Variants in CCDC180 observed in about 807,000 individuals in gnomAD.
CCDC180 encodes coiled-coil domain containing 180.
CCDC180 carries 154 observed loss-of-function variants against 209.2 expected under a neutral mutation model. The observed-to-expected ratio is 0.74, with a 90% CI of 0.65 to 0.84. The LOEUF (loss-of-function observed/expected upper bound fraction) is 0.84, where lower values mean the gene tolerates loss of function less well. CCDC180 is among the 40% of genes least tolerant of loss of function. The pLI, the probability that CCDC180 is intolerant of heterozygous loss-of-function variation, is 0.00. For missense variants in CCDC180, 1,874 were observed against 1,997.3 expected, an observed-to-expected ratio of 0.94 and a Z score of 1.18; for synonymous variants, 778 against 749.1, an observed-to-expected ratio of 1.04 and a Z score of -0.63.
chr9:97,355,071 C>A (rs1564169932), intron 24 of CCDC180, 63 bp downstream of exon 24: 1 of 1,097,878 alleles, frequency 9.1e-7, no homozygotes, highest in African/African-American at 1.5e-5. Context: ...CAGGCACTGT[C>A]CCCGGTGCTA....
rs12686009 is a variant in CCDC180, at chr9:97,360,838, T to C, written c.3483+737T>C. ...GCAGAGCCTGCATCACCCCCACCCC[T>C]GCCCACACCTCACATTGGGCTGAGA... On this transcript the variant is annotated intron_variant, in intron 26 of 36. Transcript: ENST00000529487. Among the ~76,000 whole-genome samples, 19 of 152,270 alleles carry C rather than the reference T, an allele frequency of 1.2e-4. No individual in the cohort carries two copies. In the East Asian group the frequency reaches 3.5e-3, roughly 28 times the overall value.
chr9:97,349,497 C>T (rs1463890195), intron 21 of CCDC180, among the ~76,000 whole-genome samples: 3 of 152,190 alleles, frequency 2.0e-5, no homozygotes, highest in African/African-American at 4.8e-5. Flanking sequence ...AGCCAGAGAG[C>T]AAAGTATATG....
At chr9:97,351,738 C>T (rs1826426584) in intron 22 of CCDC180, among the ~76,000 whole-genome samples, 1 of 152,134 alleles carries the variant, frequency 6.6e-6, no homozygotes, top group African/African-American at 2.4e-5. Context: ...CCACAGCCCC[C>T]CACTACCAGC....
chr9:97,312,309 C>G, intron 4 of CCDC180, 108 bp downstream of exon 4: 2 of 883,956 alleles, frequency 2.3e-6, no homozygotes, highest in Non-Finnish European at 3.6e-6. Flanking sequence ...CCCTGAGCTC[C>G]CACTGTGTTC....
intron 33 of CCDC180, 64 bp from the exon 34 acceptor site, chr9:97,371,531 C>T (rs754762506): frequency 3.5e-4 from 363 of 1,047,844 alleles, no homozygotes; most frequent in Non-Finnish European, 4.5e-4. Context: ...CCCATCCCCT[C>T]TTCAGCTGGC....
chr9:97,333,375 G>C (rs945205122), intron 18 of CCDC180, among the ~76,000 whole-genome samples: 1 of 152,142 alleles, frequency 6.6e-6, no homozygotes, highest in African/African-American at 2.4e-5. Context: ...CGTGATTCCG[G>C]CTTCATAGAA....
At chr9:97,359,464 G>A (rs975513592) in intron 25 of CCDC180, among the ~76,000 whole-genome samples, 2 of 152,182 alleles carry the variant, frequency 1.3e-5, no homozygotes, top group African/African-American at 2.4e-5. Context: ...TGAATGTGTG[G>A]CGAGAGGGAA....
At chr9:97,334,439 A>C (rs1235987967) in intron 18 of CCDC180, among the ~76,000 whole-genome samples, 1 of 152,172 alleles carries the variant, frequency 6.6e-6, no homozygotes, top group African/African-American at 2.4e-5. Context: ...ATCAAAGCTA[A>C]ACAACTTTTC....
At chr9:97,351,677 C>CAA (rs58347894) in intron 22 of CCDC180, among the ~76,000 whole-genome samples, 32,476 of 151,938 alleles carry the variant, frequency 0.21, 3,700 homozygotes, top group East Asian at 0.39. Flanking sequence ...TATACATGAG[C>CAA]AAAAAATTGT....
intron 9 of CCDC180, among the ~76,000 whole-genome samples, chr9:97,317,440 T>C (rs1833214730): frequency 1.3e-5 from 2 of 152,248 alleles, no homozygotes; most frequent in African/African-American, 4.8e-5. Flanking sequence ...AATATTTTGG[T>C]ATATTTTCTC....
intron 29 of CCDC180, chr9:97,365,064 C>T (rs1826880377): frequency 1.3e-5 from 2 of 152,292 alleles, no homozygotes; most frequent in South Asian, 4.2e-4. Flanking sequence ...AGGGATCCAC[C>T]GAGGGAACAC....
rs538090053 is a variant in CCDC180, at chr9:97,350,405, A to G, written c.2856-4A>G. The G allele has an allele frequency of 3.3e-6, 5 of 1,534,264 alleles. 1 individual carries two copies. In the South Asian group the frequency reaches 3.6e-5, roughly 11 times the overall value. On this transcript the variant is annotated splice_polypyrimidine_tract_variant and splice_region_variant and intron_variant, in intron 21 of 36. Coordinates refer to ENST00000529487, the MANE Select transcript of CCDC180 (RefSeq NM_020893.6). Reference sequence around the variant, plus strand: ...CTGTCCTGTTCCTCCTCTGTCTCCCACAGGCTGGTCACTCTCAGCAACACA... The same window carrying G: ...CTGTCCTGTTCCTCCTCTGTCTCCCGCAGGCTGGTCACTCTCAGCAACACA...
chr9:97,348,145 A>T (rs1344130875), intron 20 of CCDC180, among the ~76,000 whole-genome samples: 1 of 151,214 alleles, frequency 6.6e-6, no homozygotes, highest in Non-Finnish European at 1.5e-5. Context: ...TTTCAGTAGG[A>T]TCCTTCAATG....
In CCDC180 at chr9:97,348,983, C is replaced by T. The variant is rs1587819023; in HGVS notation, c.2675-128C>T. 7 of 857,328 alleles carry T rather than the reference C, an allele frequency of 8.2e-6. No individual in the cohort carries two copies. In the East Asian group the frequency reaches 1.9e-4, roughly 23 times the overall value. 53.1% of individuals were successfully genotyped at this position (857,328 alleles called of 1,614,324 possible). A position where few individuals can be genotyped will look rare whatever the true frequency, so the allele number is the denominator to read the frequency against. On this transcript the variant is annotated intron_variant, in intron 20 of 36. Coordinates refer to ENST00000529487, the MANE Select transcript of CCDC180 (RefSeq NM_020893.6). ...AAGGCAACAGGGGCAGGACAAGGGG[C>T]CTTGACCTGAATTGTTCCTGTTCTG... is the stretch of plus-strand genomic sequence containing the variant.
chr9:97,357,714 G>A lies in CCDC180; in HGVS notation c.3352G>A (p.Gly1118Arg), dbSNP rs1298257512. 10 of 1,608,330 alleles carry A rather than the reference G, an allele frequency of 6.2e-6. No homozygotes were observed. In the Admixed American group the frequency reaches 8.4e-5, roughly 14 times the overall value. The change falls in exon 25 of 37, where the codon GGA becomes AGA. Residue 1118 changes from glycine (G) to arginine (R), a missense_variant. Coordinates refer to ENST00000529487, the MANE Select transcript of CCDC180 (RefSeq NM_020893.6). ...NKIKTCQESR[G>R]EKTTVTTEEL... ...GATAAAAACTTGTCAAGAGTCCAGG[G>A]GAGAGAAAACCGTAAGTGTTCAATA...
rs1402385368 is a variant in CCDC180 at position 97,366,083 on chromosome 9, C to T, written c.4047+344C>T. 6.6e-6 allele frequency among the ~76,000 whole-genome samples: 1 copy of T among 152,198 alleles called. No individual in the cohort carries two copies. Among genetic ancestry groups the T allele is most frequent in the African/African-American group, 2.4e-5 (1 of 41,468 alleles). On this transcript the variant is annotated intron_variant, in intron 30 of 36. Coordinates refer to ENST00000529487, the MANE Select transcript of CCDC180 (RefSeq NM_020893.6). The surrounding 1 kb of genome is among the most constrained non-coding windows in gnomAD (Gnocchi z 4.3). ...CACAGAAAGAGGTGGGGCAGTGGGA[C>T]CAGGCACCAGACAAGCTGCCCAGTG... is the stretch of plus-strand genomic sequence containing the variant.
rs1827293005 is a variant in CCDC180, at chr9:97,377,600, C to G, written c.*706C>G. On this transcript the variant is annotated 3_prime_UTR_variant, in exon 37 of 37. Coordinates refer to ENST00000529487, the MANE Select transcript of CCDC180 (RefSeq NM_020893.6). ...GCCCCAGCTCCCAAATTTCCAGCCCCTGAAAGCTGTGTGACCCTCCAAGTG... is the reference window on the plus strand; with the variant it reads ...GCCCCAGCTCCCAAATTTCCAGCCCGTGAAAGCTGTGTGACCCTCCAAGTG... 1 of 152,326 alleles carries G rather than the reference C, an allele frequency of 6.6e-6. No individual in the cohort carries two copies. Among genetic ancestry groups the G allele is most frequent in the African/African-American group, 2.4e-5 (1 of 41,440 alleles). 9.4% of individuals were successfully genotyped at this position (152,326 alleles called of 1,614,324 possible).
At position 97,366,196 on chromosome 9, in the gene CCDC180, C is replaced by T. The variant is rs1055940362; in HGVS notation, c.4048-363C>T. Among the ~76,000 whole-genome samples, 1 of 152,248 alleles carries T rather than the reference C, an allele frequency of 6.6e-6. No individual in the cohort carries two copies. Among genetic ancestry groups the T allele is most frequent in the Non-Finnish European group, 1.5e-5 (1 of 68,042 alleles). ...CTGTCTGCCTCCTTCAGGGCAGGGT[C>T]CCTGGCTCGCCCGTCTTTGTGGCCT... On this transcript the variant is annotated intron_variant, in intron 30 of 36. Transcript: ENST00000529487. The surrounding 1 kb of genome is among the most constrained non-coding windows in gnomAD (Gnocchi z 4.3).
rs1400240796 is a variant in CCDC180, at chr9:97,375,460, G to A, written c.4713G>A (p.Trp1571Ter). The A allele has an allele frequency of 6.2e-7, 1 of 1,614,180 alleles. No homozygotes were observed. ...KPLIERGSRK[W>*]PGIKPTEVTI... is the part of the protein sequence containing the mutation. ...CACACATGTTTGTTTGTAGGAAGTG[G>A]CCAGGGATCAAACCCACCGAAGTCA... The change falls in exon 36 of 37, where the codon TGG becomes TGA. Residue 1571 changes from tryptophan to a stop codon, truncating the protein, a stop_gained. Coordinates refer to ENST00000529487, the MANE Select transcript of CCDC180 (RefSeq NM_020893.6). LOFTEE classifies it high-confidence loss of function.
Sources: allele counts gnomAD v4.1 joint callset (sites outside exome capture counted in the v4.1 genomes callset), GRCh38; gene constraint gnomAD v4.1.1; non-coding constraint Gnocchi (gnomAD v3.1); transcripts MANE v1.5; gene names NCBI Gene and HGNC (gene_info 2026-07-23, HGNC 2026-07-21).